Variants in NUBP1 observed in about 807,000 individuals in gnomAD.
The protein encoded by NUBP1 is NUBP iron-sulfur cluster assembly factor 1, cytosolic.
In NUBP1, 46 loss-of-function variants were observed where a neutral mutation model predicts 41.8. The ratio of observed to expected loss-of-function variants is 1.10; its 90% confidence interval spans 0.87 to 1.41. The LOEUF (loss-of-function observed/expected upper bound fraction) is 1.41. Ranked by LOEUF, NUBP1 falls within the 40% of genes most tolerant of loss-of-function variation. The pLI is 0.00. For synonymous variants in NUBP1, 189 were observed against 154.6 expected (o/e 1.22, Z -1.65); for missense variants, 494 against 414.0 (o/e 1.19, Z -1.68).
At position 10,757,996 on chromosome 16, in the gene NUBP1, T is replaced by C; in HGVS notation, c.575T>C (p.Ile192Thr). The change falls in exon 7 of 11, where the codon ATC becomes ACC. Residue 192 changes from isoleucine (I) to threonine (T), a missense_variant. Ile to Thr is a moderately conservative substitution (Grantham distance 89). Coordinates refer to ENST00000283027, the MANE Select transcript of NUBP1 (RefSeq NM_002484.4). This position sits in a 1 kb window ranked among gnomAD's most constrained non-coding sequence, Gnocchi z 4.1. The part of the protein sequence containing the change: ...SVVRYLATAH[I>T]DGAVIITTPQ... Reference sequence around the variant, plus strand: ...GTCCGGTACCTGGCCACAGCACACATCGATGGAGCAGTGATCATCACCACT... The same window carrying C: ...GTCCGGTACCTGGCCACAGCACACACCGATGGAGCAGTGATCATCACCACT... 2 of 1,613,940 alleles carry C rather than the reference T, an allele frequency of 1.2e-6. No homozygotes were observed. The highest frequency in any genetic ancestry group is 1.7e-6 in the Non-Finnish European group (2 of 1,179,996).
chr16:10,768,955 CCT>C lies in NUBP1; in HGVS notation c.905-91_905-90del, dbSNP rs1383388319. The C allele has an allele frequency of 3.6e-6, 4 of 1,121,040 alleles. No homozygotes were observed. The African/African-American group carries it at 4.7e-5, about 13-fold the overall frequency. The allele number at this position is 1,121,040 out of a possible 1,614,324, so 69.4% of individuals were successfully genotyped here. ...ATGGAACTAGCCAGAGGATTCCACCCCTGTCAAAACACAGCCCTCCCCAGCAC... is the reference window on the plus strand; with the variant it reads ...ATGGAACTAGCCAGAGGATTCCACCCGTCAAAACACAGCCCTCCCCAGCAC... On this transcript the variant is annotated intron_variant, in intron 10 of 10. Transcript: ENST00000283027. The surrounding 1 kb of genome is among the most constrained non-coding windows in gnomAD (Gnocchi z 4.3).
intron 4 of NUBP1, among the ~76,000 whole-genome samples, 160 bp downstream of exon 4, chr16:10,752,838 C>A (rs143347200): frequency 1.3e-5 from 2 of 152,180 alleles, no homozygotes; most frequent in Admixed American, 6.5e-5. Context: ...TCTTGTCGCC[C>A]GGGCTGGAGT....
chr16:10,752,542 C>G, intron 3 of NUBP1, 68 bp from the exon 4 acceptor site: 1 of 1,292,338 alleles, frequency 7.7e-7, no homozygotes. Flanking sequence ...CCGCTCCCCT[C>G]CTAGTTGTGT....
intron 9 of NUBP1, among the ~76,000 whole-genome samples, chr16:10,762,593 C>T (rs926937068): frequency 6.6e-6 from 1 of 152,170 alleles, no homozygotes; most frequent in African/African-American, 2.4e-5. Flanking sequence ...AGTGGGGCTC[C>T]TGCGGGGCGT....
Position 10,766,567 on chromosome 16 carries a change from CAG to C in NUBP1, c.821-1381_821-1380del, listed in dbSNP as rs932364772. On this transcript the variant is annotated intron_variant, in intron 9 of 10. Coordinates refer to ENST00000283027, the MANE Select transcript of NUBP1 (RefSeq NM_002484.4). The surrounding 1 kb of genome is among the most constrained non-coding windows in gnomAD (Gnocchi z 4.8). ...AGGTCTGGCCCAGCGAACGTGCACT[CAG>C]GGGCCTCCCTAGCGAGTTCCACATG... The C allele has an allele frequency of 6.6e-5, 11 of 166,068 alleles. No homozygotes were observed. Among genetic ancestry groups the C allele is most frequent in the Non-Finnish European group, 1.4e-4 (11 of 77,754 alleles). 10.3% of individuals were successfully genotyped at this position (166,068 alleles called of 1,614,324 possible). A position where few individuals can be genotyped will look rare whatever the true frequency, so the allele number is the denominator to read the frequency against.
intron 3 of NUBP1, among the ~76,000 whole-genome samples, chr16:10,750,130 C>T (rs1191615702): frequency 1.3e-5 from 2 of 152,172 alleles, no homozygotes; most frequent in African/African-American, 2.4e-5. Context: ...CCTGGGAAGT[C>T]AAGGCTGCAG....
rs139569346 is a variant in NUBP1, at chr16:10,765,415, C to T, written c.821-2534C>T. On this transcript the variant is annotated intron_variant, in intron 9 of 10. Transcript: ENST00000283027. The surrounding 1 kb of genome is among the most constrained non-coding windows in gnomAD (Gnocchi z 4.0). ...CCAGCTACTCAGGAGGCTGAGTTAG[C>T]AGGATCACTTGAGCCCAGGGAGGTT... 2.4e-4 allele frequency among the ~76,000 whole-genome samples: 36 copies of T among 151,226 alleles called. No homozygotes were observed. Among genetic ancestry groups the T allele is most frequent in the Non-Finnish European group, 3.8e-4 (26 of 67,924 alleles).
chr16:10,747,991 A>G (rs987649005), intron 3 of NUBP1, among the ~76,000 whole-genome samples: 1 of 152,194 alleles, frequency 6.6e-6, no homozygotes, highest in Non-Finnish European at 1.5e-5. Flanking sequence ...TCTGTCACCC[A>G]GGCTGAAGTG....
intron 3 of NUBP1, among the ~76,000 whole-genome samples, chr16:10,748,497 A>G (rs191621504): frequency 2.0e-5 from 3 of 152,194 alleles, no homozygotes. Context: ...CTCTGGAGTC[A>G]GACAGCCCAA....
chr16:10,761,435 G>C lies in NUBP1; in HGVS notation c.678G>C (p.Val226=), dbSNP rs1417028164. The change falls in exon 8 of 11, where the codon GTG becomes GTC. Residue 226 remains valine, a synonymous_variant. Coordinates refer to ENST00000283027, the MANE Select transcript of NUBP1 (RefSeq NM_002484.4). ...CRKVKLPIIG[V]VENMSGFICP... is the part of the protein sequence containing the mutation. ...AGGTGAAGCTGCCCATCATCGGGGT[G>C]GTGGAGAACATGAGTGGCTTCATCT... 3.1e-6 allele frequency: 5 copies of C among 1,614,056 alleles called. No individual in the cohort carries two copies. The highest frequency in any genetic ancestry group is 4.2e-6 in the Non-Finnish European group (5 of 1,180,026).
At position 10,749,500 on chromosome 16, in the gene NUBP1, G is replaced by C. The variant is rs892561479; in HGVS notation, c.258+2224G>C. 6.6e-6 allele frequency among the ~76,000 whole-genome samples: 1 copy of C among 151,488 alleles called. No homozygotes were observed. Among genetic ancestry groups the C allele is most frequent in the African/African-American group, 2.4e-5 (1 of 41,382 alleles). Reference sequence around the variant, plus strand: ...ACCATTCAGTGTGGAAATATGGCTAGATCAGCTGTATTTTTTTATGCAGTG... The same window carrying C: ...ACCATTCAGTGTGGAAATATGGCTACATCAGCTGTATTTTTTTATGCAGTG... On this transcript the variant is annotated intron_variant, in intron 3 of 10. Coordinates refer to ENST00000283027, the MANE Select transcript of NUBP1 (RefSeq NM_002484.4). The surrounding 1 kb of genome is among the most constrained non-coding windows in gnomAD (Gnocchi z 4.1).
intron 4 of NUBP1, 36 bp downstream of exon 4, chr16:10,752,714 C>A: frequency 6.4e-7 from 1 of 1,559,538 alleles, no homozygotes; most frequent in Non-Finnish European, 8.8e-7. Flanking sequence ...AAATTATTCT[C>A]TTAAGGCAAA....
rs985376938 is a variant in NUBP1, at chr16:10,744,070, G to A, written c.124+5G>A. The A allele has an allele frequency of 2.6e-6, 4 of 1,533,276 alleles. No individual in the cohort carries two copies. Among genetic ancestry groups the A allele is most frequent in the African/African-American group, 1.4e-5 (1 of 71,828 alleles). 95.0% of individuals were successfully genotyped at this position (1,533,276 alleles called of 1,614,324 possible). A position where few individuals can be genotyped will look rare whatever the true frequency, so the allele number is the denominator to read the frequency against. ...CGGGGGCCACTCCGGACACGGGTGA[G>A]AAAAGGGCAAGGCCTCAACAGGAAC... On this transcript the variant is annotated splice_donor_5th_base_variant and intron_variant, in intron 2 of 10. Coordinates refer to ENST00000283027, the MANE Select transcript of NUBP1 (RefSeq NM_002484.4).
intron 2 of NUBP1, among the ~76,000 whole-genome samples, chr16:10,746,612 G>A (rs1316094867): frequency 6.6e-6 from 1 of 152,094 alleles, no homozygotes; most frequent in South Asian, 2.1e-4. Flanking sequence ...ATGGTGGCAG[G>A]CACCTGTAAT....
Position 10,766,855 on chromosome 16 carries a change from CG to C in NUBP1, c.821-1092del, listed in dbSNP as rs2030958455. The C allele has an allele frequency of 2.5e-6, 1 of 398,282 alleles. No homozygotes were observed. The allele number at this position is 398,282 out of a possible 1,614,324, so 24.7% of individuals were successfully genotyped here. A position where few individuals can be genotyped will look rare whatever the true frequency, so the allele number is the denominator to read the frequency against. ...TGAAGTAAAGTTACAAAGTCATTTA[CG>C]GCATACGTCCTATGGAGAGGACATT... On this transcript the variant is annotated intron_variant, in intron 9 of 10. Transcript: ENST00000283027. This position sits in a 1 kb window ranked among gnomAD's most constrained non-coding sequence, Gnocchi z 4.8.
At chr16:10,747,508 G>A (rs1237562132) in intron 3 of NUBP1, among the ~76,000 whole-genome samples, 1 of 152,224 alleles carries the variant, frequency 6.6e-6, no homozygotes, top group Non-Finnish European at 1.5e-5. Flanking sequence ...GGTAGCGCAG[G>A]CTTGTAATCC....
chr16:10,761,642 G>C, intron 8 of NUBP1, 115 bp from the exon 9 acceptor site: 2 of 993,458 alleles, frequency 2.0e-6, no homozygotes, highest in Non-Finnish European at 3.0e-6. Context: ...TAGGTGTTAA[G>C]GGTTCCACAT....
chr16:10,764,531 C>A (rs967539818), intron 9 of NUBP1, among the ~76,000 whole-genome samples: 1 of 150,396 alleles, frequency 6.6e-6, no homozygotes, highest in Non-Finnish European at 1.5e-5. Context: ...TGGAGCATCT[C>A]ATTCTGCTGG....
chr16:10,756,215 C>G (rs1254299228), intron 5 of NUBP1, among the ~76,000 whole-genome samples: 1 of 152,068 alleles, frequency 6.6e-6, no homozygotes, highest in East Asian at 1.9e-4. Context: ...CCCATCTCTA[C>G]TAAAGATACA....
Sources: gnomAD v4.1 joint callset for allele counts (sites outside exome capture counted in the v4.1 genomes callset) on GRCh38, gnomAD v4.1.1 for gene constraint, Gnocchi (gnomAD v3.1) non-coding constraint, MANE v1.5 for transcripts, NCBI Gene and HGNC (gene_info 2026-07-23, HGNC 2026-07-21) for gene names.